DNAH10: variants seen among roughly 807,000 people sequenced by gnomAD.
DNAH10 encodes axonemal beta dynein heavy chain 10.
DNAH10 carries 348 observed loss-of-function variants against 506.6 expected under a neutral mutation model. The ratio of observed to expected loss-of-function variants is 0.69; its 90% CI spans 0.63 to 0.75. The LOEUF is 0.75. DNAH10 is among the 30% of genes least tolerant of loss of function. DNAH10 has a pLI of 0.00. For synonymous variants in DNAH10, 2,059 were observed against 2,198.6 expected, an observed-to-expected ratio of 0.94 and a Z score of 1.78; for missense variants, 5,179 against 5,787.1, an observed-to-expected ratio of 0.89 and a Z score of 3.41.
intron 55 of DNAH10, among the ~76,000 whole-genome samples, chr12:123,898,446 G>T (rs957647033): frequency 6.6e-6 from 1 of 152,252 alleles, no homozygotes; most frequent in African/African-American, 2.4e-5. Flanking sequence ...TGCTCTGGCT[G>T]TTGGCCAAGG....
chr12:123,915,871 T>C (rs1954454362), intron 62 of DNAH10, among the ~76,000 whole-genome samples: 1 of 152,250 alleles, frequency 6.6e-6, no homozygotes, highest in Non-Finnish European at 1.5e-5. Flanking sequence ...TTCAGTTCTC[T>C]TGGGGCGATA....
At chr12:123,774,685 G>A (rs1245921577) in intron 5 of DNAH10, among the ~76,000 whole-genome samples, 1 of 152,244 alleles carries the variant, frequency 6.6e-6, no homozygotes, top group African/African-American at 2.4e-5. Context: ...GGCATAAATC[G>A]CTCATGCTAT....
intron 54 of DNAH10, 130 bp downstream of exon 54, chr12:123,894,853 A>G (rs1953149246): frequency 1.3e-6 from 1 of 792,334 alleles, no homozygotes; most frequent in Admixed American, 2.6e-5. Flanking sequence ...ATGGCTTTCA[A>G]TTTTGTTAGT....
Position 123,916,513 on chromosome 12 carries a change from C to T in DNAH10, c.10779C>T (p.Tyr3593=), listed in dbSNP as rs370246150. 744 of 1,613,712 alleles carry T rather than the reference C, an allele frequency of 4.6e-4. No individual in the cohort carries two copies. Among genetic ancestry groups the T allele is most frequent in the Non-Finnish European group, 5.8e-4 (680 of 1,179,860 alleles). ...FLKQLEMSIK[Y]GTPFLFRDVD... The stretch of plus-strand genomic sequence containing the variant: ...AGCAGCTAGAGATGTCCATAAAGTA[C>T]GGGACCCCTTTCCTGTTCCGCGATG... The change falls in exon 63 of 79, where the codon TAC becomes TAT. Residue 3593 remains tyrosine (Y), a synonymous_variant. Transcript: ENST00000673944. This position sits in a 1 kb window ranked among gnomAD's most constrained non-coding sequence, Gnocchi z 4.6.
At position 123,799,699 on chromosome 12, in the gene DNAH10, G is replaced by A. The variant is rs893119092; in HGVS notation, c.2289+328G>A. ...GTTGAATCATATATGAAACAGAGCT[G>A]ACAGCTGGCCATCTTTAACCTGCAG... On this transcript the variant is annotated intron_variant, in intron 14 of 78. Transcript: ENST00000673944. Among the ~76,000 whole-genome samples, 4 of 152,172 alleles carry A rather than the reference G, an allele frequency of 2.6e-5. No individual in the cohort carries two copies. In the East Asian group the frequency reaches 7.7e-4, roughly 29 times the overall value.
At chr12:123,914,271 C>T in intron 60 of DNAH10, 58 bp from the exon 61 acceptor site, 1 of 1,506,874 alleles carries the variant, frequency 6.6e-7, no homozygotes, top group East Asian at 2.3e-5. Context: ...CTGGAATGTT[C>T]CTTTTGGTTG....
chr12:123,885,385 G>A (rs901004529), intron 51 of DNAH10, among the ~76,000 whole-genome samples: 2 of 152,176 alleles, frequency 1.3e-5, no homozygotes, highest in Non-Finnish European at 2.9e-5. Context: ...ATTTCCAATG[G>A]CGGGCATTTA....
chr12:123,774,960 A>G (rs559730763), intron 5 of DNAH10, among the ~76,000 whole-genome samples: 2 of 152,312 alleles, frequency 1.3e-5, no homozygotes, highest in East Asian at 3.9e-4. Context: ...TGTAGGGGAA[A>G]GACATGGCAC....
Position 123,925,341 on chromosome 12 carries a change from A to C in DNAH10, c.11921+137A>C. 3.5e-6 allele frequency: 4 copies of C among 1,134,158 alleles called. No homozygotes were observed. Among genetic ancestry groups the C allele is most frequent in the Non-Finnish European group, 5.0e-6 (4 of 804,022 alleles). The allele number at this position is 1,134,158 out of a possible 1,614,324, so 70.3% of individuals were successfully genotyped here. ...GCCACCCTGCTGTACAATATTCGAT[A>C]GCCGATATTCTAGAATTCTTCAATA... On this transcript the variant is annotated intron_variant, in intron 68 of 78. Coordinates refer to ENST00000673944, the MANE Select transcript of DNAH10 (RefSeq NM_001372106.1). This position sits in a 1 kb window ranked among gnomAD's most constrained non-coding sequence, Gnocchi z 4.0.
chr12:123,860,954 C>G (rs931686363), intron 38 of DNAH10, 58 bp from the exon 39 acceptor site: 4 of 1,610,722 alleles, frequency 2.5e-6, no homozygotes, highest in Non-Finnish European at 3.4e-6. Context: ...GGAACCCAGA[C>G]TGTTTTCCTC....
chr12:123,788,895 A>G (rs1594028141), intron 10 of DNAH10, among the ~76,000 whole-genome samples: 1 of 150,724 alleles, frequency 6.6e-6, no homozygotes, highest in Non-Finnish European at 1.5e-5. Flanking sequence ...AGTGTACCCC[A>G]GCCTGGGCGA....
In DNAH10 at chr12:123,772,283, A is replaced by G. The variant is rs548500489; in HGVS notation, c.397-551A>G. On this transcript the variant is annotated intron_variant, in intron 3 of 78. Coordinates refer to ENST00000673944, the MANE Select transcript of DNAH10 (RefSeq NM_001372106.1). ...CATTCACCAAACTCGCATTGTTAGC[A>G]TACACCTTCAGGCATGGCCCAAGGC... is the stretch of plus-strand genomic sequence containing the variant. Among the ~76,000 whole-genome samples the G allele has an allele frequency of 2.0e-5, 3 of 152,338 alleles. No homozygotes were observed. The South Asian group carries it at 6.2e-4, about 32-fold the overall frequency.
intron 24 of DNAH10, among the ~76,000 whole-genome samples, chr12:123,825,184 T>C (rs533640503): frequency 3.3e-5 from 5 of 152,084 alleles, no homozygotes; most frequent in African/African-American, 1.2e-4. Flanking sequence ...GGATGGAAGA[T>C]TGATCACAGT....
At chr12:123,774,696 T>G (rs368694326) in intron 5 of DNAH10, among the ~76,000 whole-genome samples, 8 of 152,256 alleles carry the variant, frequency 5.3e-5, no homozygotes, top group Non-Finnish European at 1.2e-4. Flanking sequence ...CTCATGCTAT[T>G]GCCTGTGGCT....
rs1255525656 is a variant in DNAH10 at position 123,819,186 on chromosome 12, A to C, written c.3936A>C (p.Ile1312=). ...RGEIMNYRVQ[I]EEFAKRFYSE... is the part of the protein sequence containing the mutation. ...AAATAATGAACTACAGAGTTCAGAT[A>C]GAGGAGTTTGCAAAGCGTTTTTACA... Residue 1312 remains isoleucine, a synonymous_variant, in exon 23 of 79, where the codon ATA becomes ATC. Transcript: ENST00000673944. The C allele has an allele frequency of 5.6e-6, 9 of 1,613,660 alleles. No individual in the cohort carries two copies. Among genetic ancestry groups the C allele is most frequent in the Non-Finnish European group, 6.8e-6 (8 of 1,179,796 alleles).
chr12:123,861,259 G>A (rs1951600589), intron 39 of DNAH10, 89 bp downstream of exon 39: 1 of 1,456,718 alleles, frequency 6.9e-7, no homozygotes, highest in Non-Finnish European at 9.2e-7. Flanking sequence ...ATACATTGTA[G>A]CTTCATGCTT....
intron 24 of DNAH10, among the ~76,000 whole-genome samples, 172 bp from the exon 25 acceptor site, chr12:123,826,515 T>C (rs911878609): frequency 6.6e-6 from 1 of 152,256 alleles, no homozygotes; most frequent in African/African-American, 2.4e-5. Flanking sequence ...AATTCTTTTC[T>C]TGTTGTTTTA....
At chr12:123,843,569 A>G (rs1341312523) in intron 30 of DNAH10, among the ~76,000 whole-genome samples, 1 of 150,904 alleles carries the variant, frequency 6.6e-6, no homozygotes, top group Non-Finnish European at 1.5e-5. Context: ...TGCTTTTCCT[A>G]CTTATTTATT....
intron 40 of DNAH10, 42 bp downstream of exon 40, chr12:123,864,772 T>C: frequency 3.2e-6 from 5 of 1,567,816 alleles, no homozygotes; most frequent in Non-Finnish European, 4.3e-6. Flanking sequence ...AAATCTTTCT[T>C]GTAATTAAAA....
Sources: gnomAD v4.1 joint callset for allele counts (sites outside exome capture counted in the v4.1 genomes callset) on GRCh38, gnomAD v4.1.1 for gene constraint, Gnocchi (gnomAD v3.1) non-coding constraint, MANE v1.5 for transcripts, NCBI Gene and HGNC (gene_info 2026-07-23, HGNC 2026-07-21) for gene names.